The following TAFA2 variants were observed in gnomAD, a reference collection of about 807,000 sequenced individuals.
TAFA2 encodes the protein TAFA chemokine like family member 2.
In TAFA2, 7 loss-of-function variants were observed where a neutral mutation model predicts 18.8. The ratio of observed to expected loss-of-function variants is 0.37; its 90% confidence interval spans 0.21 to 0.70. The LOEUF (loss-of-function observed/expected upper bound fraction) is 0.70. Ranked by LOEUF, TAFA2 falls within the 30% of genes least tolerant of loss-of-function variation. TAFA2 has a pLI of 0.53. For synonymous variants in TAFA2, 60 were observed against 54.2 expected, an observed-to-expected ratio of 1.11 and a Z score of -0.47; for missense variants, 122 against 158.1, an observed-to-expected ratio of 0.77 and a Z score of 1.23.
intron 1 of TAFA2, among the ~76,000 whole-genome samples, chr12:62,060,650 A>G (rs1475466392): frequency 1.3e-5 from 2 of 152,204 alleles, no homozygotes; most frequent in Admixed American, 6.5e-5. Context: ...AGAAGAAGAC[A>G]TTGATATTAC....
At chr12:62,105,578 T>C (rs1033998217) in intron 1 of TAFA2, among the ~76,000 whole-genome samples, 2 of 152,204 alleles carry the variant, frequency 1.3e-5, no homozygotes, top group African/African-American at 4.8e-5. Flanking sequence ...ATAACAGAGA[T>C]GAGTTAAATG....
intron 1 of TAFA2, among the ~76,000 whole-genome samples, chr12:62,088,906 A>G (rs200811217): frequency 2.7e-4 from 35 of 127,362 alleles, no homozygotes; most frequent in Middle Eastern, 4.4e-3. Flanking sequence ...CTCTCTCTCT[A>G]TCTCTGTGTG....
At chr12:61,944,944 AACTCATTTT>A (rs1878203456) in intron 1 of TAFA2, among the ~76,000 whole-genome samples, 1 of 146,532 alleles carries the variant, frequency 6.8e-6, no homozygotes, top group Non-Finnish European at 1.5e-5. Context: ...AATCCTCCCT[AACTCATTTT>A]ATGAGGCCAG....
chr12:62,248,085 G>GA (rs1241187075), intron 1 of TAFA2, among the ~76,000 whole-genome samples: 1 of 152,150 alleles, frequency 6.6e-6, no homozygotes, highest in Admixed American at 6.5e-5. Context: ...TTTATTAAAA[G>GA]AAAGCTCTCA....
At chr12:62,011,716 T>C (rs927296330) in intron 1 of TAFA2, among the ~76,000 whole-genome samples, 1 of 140,320 alleles carries the variant, frequency 7.1e-6, no homozygotes, top group Non-Finnish European at 1.5e-5. Context: ...CACATCCCCC[T>C]CTCTGAGAAA....
intron 1 of TAFA2, among the ~76,000 whole-genome samples, chr12:62,120,905 G>T (rs1201586951): frequency 6.6e-6 from 1 of 151,840 alleles, no homozygotes; most frequent in Admixed American, 6.6e-5. Context: ...GCCCACGCTG[G>T]AGTGCAATGG....
intron 2 of TAFA2, among the ~76,000 whole-genome samples, chr12:61,859,530 G>A (rs138484323): frequency 0.095 from 14,456 of 152,170 alleles, 895 homozygotes; most frequent in East Asian, 0.19. Flanking sequence ...TGCAACCTCC[G>A]CCTACAGGGC....
chr12:62,043,315 G>A (rs1881814160), intron 1 of TAFA2, among the ~76,000 whole-genome samples: 1 of 152,118 alleles, frequency 6.6e-6, no homozygotes, highest in Non-Finnish European at 1.5e-5. Context: ...CCTTTGTAGG[G>A]ACATGGATGA....
intron 1 of TAFA2, among the ~76,000 whole-genome samples, chr12:61,912,705 C>T (rs935549071): frequency 6.6e-6 from 1 of 152,176 alleles, no homozygotes; most frequent in African/African-American, 2.4e-5. Context: ...TGGAAACACA[C>T]TCCTGTTCAC....
chr12:61,878,906 A>T (rs1315488152), intron 1 of TAFA2, among the ~76,000 whole-genome samples: 1 of 152,190 alleles, frequency 6.6e-6, no homozygotes, highest in African/African-American at 2.4e-5. Context: ...TCACATGATC[A>T]TGAGGCTGGC....
intron 1 of TAFA2, among the ~76,000 whole-genome samples, chr12:62,169,775 C>T (rs565614227): frequency 2.8e-5 from 4 of 142,128 alleles, no homozygotes; most frequent in Non-Finnish European, 4.5e-5. Flanking sequence ...GGCATGAACC[C>T]GGGAGGCGGA....
At chr12:62,215,379 T>C in intron 1 of TAFA2, among the ~76,000 whole-genome samples, 1 of 152,040 alleles carries the variant, frequency 6.6e-6, no homozygotes, top group African/African-American at 2.4e-5. Context: ...GGCAAGGTAA[T>C]AGGATACAAG....
At chr12:61,790,491 T>C (rs771562875) in intron 2 of TAFA2, among the ~76,000 whole-genome samples, 2 of 151,842 alleles carry the variant, frequency 1.3e-5, no homozygotes, top group Non-Finnish European at 2.9e-5. Flanking sequence ...CAAAAATCTC[T>C]TAGAACTAAT....
In TAFA2 at chr12:62,254,192, G is replaced by A. The variant is rs193277905; in HGVS notation, c.-130+4571C>T. ...CTTATTATTAAAATCAAATTTAGTA[G>A]CTGCTCTGGTCTAAGGGAGGCAAAT... On this transcript the variant is annotated intron_variant, in intron 1 of 5. Transcript: ENST00000551619. Among the ~76,000 whole-genome samples the A allele has an allele frequency of 1.2e-4, 18 of 152,166 alleles. 1 individual carries two copies. The highest frequency in any genetic ancestry group is 2.6e-4 in the Admixed American group (4 of 15,268).
At chr12:61,711,777 G>GT (rs1869419634) in intron 4 of TAFA2, among the ~76,000 whole-genome samples, 1 of 151,888 alleles carries the variant, frequency 6.6e-6, no homozygotes, top group Admixed American at 6.6e-5. Context: ...TATTTGAAGT[G>GT]TTTTACTCCC....
At chr12:61,866,405 T>C (rs1292768939) in intron 2 of TAFA2, among the ~76,000 whole-genome samples, 1 of 152,134 alleles carries the variant, frequency 6.6e-6, no homozygotes, top group African/African-American at 2.4e-5. Flanking sequence ...TTCCCCCTTC[T>C]CCCAAAAATA....
intron 2 of TAFA2, among the ~76,000 whole-genome samples, chr12:61,829,069 T>C (rs538429723): frequency 6.6e-6 from 1 of 151,912 alleles, no homozygotes; most frequent in Non-Finnish European, 1.5e-5. Context: ...TATTTAAATG[T>C]CACATTAGTA....
chr12:62,247,076 C>CA (rs1219284172), intron 1 of TAFA2, among the ~76,000 whole-genome samples: 1 of 152,086 alleles, frequency 6.6e-6, no homozygotes, highest in African/African-American at 2.4e-5. Context: ...CTTTTTCCTG[C>CA]ATGCTGCTGT....
intron 2 of TAFA2, among the ~76,000 whole-genome samples, chr12:61,773,461 A>C (rs1870119009): frequency 6.6e-6 from 1 of 152,058 alleles, no homozygotes; most frequent in Admixed American, 6.6e-5. Flanking sequence ...AAACTATACT[A>C]TAAGGCTATA....
Sources: allele counts gnomAD v4.1 joint callset (sites outside exome capture counted in the v4.1 genomes callset), GRCh38; gene constraint gnomAD v4.1.1; transcripts MANE v1.5; gene names NCBI Gene and HGNC (gene_info 2026-07-23, HGNC 2026-07-21).